SGCD: variants seen among roughly 807,000 people sequenced by gnomAD.
SGCD encodes the protein delta-sarcoglycan.
In SGCD, 18 loss-of-function variants were observed where a neutral mutation model predicts 36.6. The observed-to-expected ratio is 0.49, with a 90% CI of 0.34 to 0.73. The LOEUF (loss-of-function observed/expected upper bound fraction) is 0.73. SGCD is among the 30% of genes least tolerant of loss of function. The pLI is 0.01. For missense variants in SGCD, 387 were observed against 346.7 expected (o/e 1.12, Z -0.92); for synonymous variants, 133 against 130.6 (o/e 1.02, Z -0.12).
At chr5:156,228,338 A>G (rs947995412) in intron 3 of SGCD, among the ~76,000 whole-genome samples, 12 of 152,074 alleles carry the variant, frequency 7.9e-5, no homozygotes, top group African/African-American at 2.7e-4. Flanking sequence ...AGGTGCATAT[A>G]TGTTTAGGAA....
chr5:156,697,068 G>A (rs1754350054), intron 7 of SGCD, among the ~76,000 whole-genome samples: 1 of 151,636 alleles, frequency 6.6e-6, no homozygotes, highest in Non-Finnish European at 1.5e-5. Flanking sequence ...TTTAACATCT[G>A]AAGGTCACTT....
At chr5:156,698,609 A>G (rs1754408823) in intron 7 of SGCD, among the ~76,000 whole-genome samples, 2 of 152,132 alleles carry the variant, frequency 1.3e-5, no homozygotes, top group Non-Finnish European at 2.9e-5. Flanking sequence ...GCCTTACTGC[A>G]GGAGACAACT....
chr5:155,823,077 T>G, the SGCD span, among the ~76,000 whole-genome samples: 2 of 146,912 alleles, frequency 1.4e-5, no homozygotes, highest in African/African-American at 2.5e-5. Context: ...TATCTATCTA[T>G]CTATCTATCT....
intron 3 of SGCD, among the ~76,000 whole-genome samples, chr5:156,197,198 T>C (rs1183593058): frequency 2.6e-5 from 4 of 152,108 alleles, no homozygotes; most frequent in African/African-American, 7.2e-5. Context: ...CATGGAGGGG[T>C]CAAAGAGTAT....
chr5:156,379,758 G>T lies in SGCD; in HGVS notation c.192+35081G>T, dbSNP rs149551404. Among the ~76,000 whole-genome samples, 5 of 152,182 alleles carry T rather than the reference G, an allele frequency of 3.3e-5. No homozygotes were observed. The East Asian group carries it at 9.7e-4, about 29-fold the overall frequency. On this transcript the variant is annotated intron_variant, in intron 3 of 8. Coordinates refer to ENST00000337851, the MANE Select transcript of SGCD (RefSeq NM_000337.6). The stretch of plus-strand genomic sequence containing the variant: ...ACCAAAGTGACGGTGAAGTAGAGAG[G>T]GTAGTATTTTTAAAGGAGAGTTAGT...
upstream of SGCD, among the ~76,000 whole-genome samples, chr5:155,869,407 AT>A (rs1167621865): frequency 6.6e-6 from 1 of 151,988 alleles, no homozygotes; most frequent in Non-Finnish European, 1.5e-5. Context: ...TGTATAAATG[AT>A]TTTTTTTCTT....
At chr5:156,523,754 G>T (rs1284370860) in intron 4 of SGCD, among the ~76,000 whole-genome samples, 2 of 151,850 alleles carry the variant, frequency 1.3e-5, no homozygotes, top group Non-Finnish European at 2.9e-5. Flanking sequence ...CTTTATATGA[G>T]ACATTTTTTC....
At chr5:156,542,630 T>C (rs1159227767) in intron 4 of SGCD, among the ~76,000 whole-genome samples, 2 of 152,206 alleles carry the variant, frequency 1.3e-5, no homozygotes, top group African/African-American at 2.4e-5. Flanking sequence ...TCCTATATTA[T>C]AGGTAAGAAA....
chr5:156,120,971 C>T (rs766112200), intron 2 of SGCD, among the ~76,000 whole-genome samples: 9 of 152,034 alleles, frequency 5.9e-5, no homozygotes, highest in South Asian at 2.1e-4. Flanking sequence ...TTGCCGGGTA[C>T]GAGAAAGCAG....
At chr5:155,904,610 A>T (rs549218417) in intron 1 of SGCD, among the ~76,000 whole-genome samples, 3 of 152,288 alleles carry the variant, frequency 2.0e-5, no homozygotes, top group South Asian at 4.1e-4. Flanking sequence ...TTTTCTAGAC[A>T]ATTCTTTTCG....
At chr5:156,406,622 G>A (rs2127766276) in intron 3 of SGCD, among the ~76,000 whole-genome samples, 1 of 151,638 alleles carries the variant, frequency 6.6e-6, no homozygotes, top group Admixed American at 6.6e-5. Flanking sequence ...CACTTAGAGT[G>A]TTTTCCCTGC....
At chr5:155,971,711 A>G (rs1378492025) in intron 1 of SGCD, among the ~76,000 whole-genome samples, 1 of 152,134 alleles carries the variant, frequency 6.6e-6, no homozygotes, top group African/African-American at 2.4e-5. Context: ...GGAATTGTCC[A>G]AAGTCACAGA....
chr5:156,652,353 G>A (rs1293327231), intron 7 of SGCD, among the ~76,000 whole-genome samples: 1 of 152,030 alleles, frequency 6.6e-6, no homozygotes, highest in Non-Finnish European at 1.5e-5. Context: ...AGATGTGGTA[G>A]TGATGCATGT....
chr5:155,728,429 C>G, the SGCD span, among the ~76,000 whole-genome samples: 1 of 152,182 alleles, frequency 6.6e-6, no homozygotes, highest in Non-Finnish European at 1.5e-5. Flanking sequence ...GGCGAAGCAC[C>G]GGCGGGGAGG....
At chr5:156,685,159 G>A (rs1221914616) in intron 7 of SGCD, among the ~76,000 whole-genome samples, 2 of 152,126 alleles carry the variant, frequency 1.3e-5, no homozygotes, top group African/African-American at 4.8e-5. Context: ...ATGCTGAAAG[G>A]AAATGGGTGG....
chr5:156,392,619 T>C (rs187819096), intron 3 of SGCD, among the ~76,000 whole-genome samples: 11 of 152,368 alleles, frequency 7.2e-5, no homozygotes, highest in Admixed American at 3.9e-4. Flanking sequence ...AGAGGCTTTC[T>C]GTATCCCAGG....
At chr5:155,906,557 T>C (rs2113348015) in intron 1 of SGCD, among the ~76,000 whole-genome samples, 2 of 152,252 alleles carry the variant, frequency 1.3e-5, no homozygotes, top group Middle Eastern at 6.8e-3. Context: ...CAAAACCACC[T>C]ATTGCTGATA....
At chr5:156,243,261 T>G (rs569136166) in intron 3 of SGCD, among the ~76,000 whole-genome samples, 1 of 152,324 alleles carries the variant, frequency 6.6e-6, no homozygotes, top group Admixed American at 6.5e-5. Context: ...CAGTGGCACA[T>G]GCGGGTGCCT....
intron 3 of SGCD, among the ~76,000 whole-genome samples, chr5:156,503,530 A>T (rs747389801): frequency 1.3e-5 from 2 of 152,186 alleles, no homozygotes; most frequent in Admixed American, 6.5e-5. Context: ...CCCAGCAGGA[A>T]CCATAAGGGC....
Sources: gnomAD v4.1 joint callset for allele counts (sites outside exome capture counted in the v4.1 genomes callset) on GRCh38, gnomAD v4.1.1 for gene constraint, MANE v1.5 for transcripts, NCBI Gene and HGNC (gene_info 2026-07-23, HGNC 2026-07-21) for gene names.